The following EMCN variants were observed in gnomAD, a reference collection of about 807,000 sequenced individuals.
EMCN encodes MUC-14.
In EMCN, 37 loss-of-function variants were observed where a neutral mutation model predicts 38.4. The observed-to-expected ratio is 0.96, with a 90% CI of 0.74 to 1.27. EMCN has a LOEUF of 1.27. Among genes scored for constraint, EMCN ranks in the 50% most tolerant of loss-of-function variants. The pLI, the probability that EMCN is intolerant of heterozygous loss-of-function variation, is 0.00. For synonymous variants in EMCN, 95 were observed against 100.8 expected, an observed-to-expected ratio of 0.94 and a Z score of 0.35; for missense variants, 318 against 302.8, an observed-to-expected ratio of 1.05 and a Z score of -0.37.
At chr4:100,456,054 C>G (rs1435436068) in intron 4 of EMCN, among the ~76,000 whole-genome samples, 2 of 152,284 alleles carry the variant, frequency 1.3e-5, no homozygotes, top group Non-Finnish European at 2.9e-5. Context: ...TTTGGACTCT[C>G]AAGTGTTGGA....
intron 1 of EMCN, among the ~76,000 whole-genome samples, chr4:100,496,763 C>T (rs952558883): frequency 1.3e-5 from 2 of 152,074 alleles, no homozygotes; most frequent in South Asian, 2.1e-4. Context: ...AAAAACCAGA[C>T]GCAGATTAGA....
intron 3 of EMCN, among the ~76,000 whole-genome samples, chr4:100,473,377 T>TTTTG (rs1728543362): frequency 8.2e-6 from 1 of 122,476 alleles, no homozygotes; most frequent in African/African-American, 3.6e-5. Flanking sequence ...TTTTTTGTTT[T>TTTTG]TTTTTTTTGT....
intron 5 of EMCN, among the ~76,000 whole-genome samples, chr4:100,429,499 C>T (rs1283876018): frequency 6.6e-6 from 1 of 152,110 alleles, no homozygotes; most frequent in Non-Finnish European, 1.5e-5. Context: ...TTCCCGCTCT[C>T]ATCTGACCTT....
intron 5 of EMCN, chr4:100,446,223 C>T (rs1296763604): frequency 2.0e-6 from 2 of 984,904 alleles, no homozygotes; most frequent in Non-Finnish European, 2.4e-6. Context: ...TGCTGTTTTT[C>T]CTCTAGTGCC....
At chr4:100,467,629 C>G (rs1448742727) in intron 3 of EMCN, among the ~76,000 whole-genome samples, 1 of 147,108 alleles carries the variant, frequency 6.8e-6, no homozygotes, top group Non-Finnish European at 1.5e-5. Context: ...TTGCAGTGAG[C>G]CGGGATAGCG....
chr4:100,413,829 C>T (rs912525738), intron 10 of EMCN, among the ~76,000 whole-genome samples: 5 of 152,180 alleles, frequency 3.3e-5, no homozygotes, highest in African/African-American at 9.7e-5. Context: ...TAATATCTCC[C>T]TCTTAGACCT....
Position 100,417,156 on chromosome 4 carries a change from A to G in EMCN, c.665-15T>C. 6.2e-7 allele frequency: 1 copy of G among 1,613,570 alleles called. No homozygotes were observed. The highest frequency in any genetic ancestry group is 8.5e-7 in the Non-Finnish European group (1 of 1,179,622). On this transcript the variant is annotated splice_polypyrimidine_tract_variant and intron_variant, in intron 8 of 11. Transcript: ENST00000296420. ...TTCTGGTGTGCCTAGGAGAAGAGGG[A>G]GTTGTTATTAGAGTTGCAAAGAAGT... is the stretch of plus-strand genomic sequence containing the variant.
At chr4:100,473,387 T>G (rs1728547077) in intron 3 of EMCN, among the ~76,000 whole-genome samples, 1 of 125,822 alleles carries the variant, frequency 7.9e-6, no homozygotes, top group African/African-American at 3.2e-5. Flanking sequence ...TTTTTTTTTG[T>G]TTTTTTTTTT....
At chr4:100,475,005 T>C in intron 3 of EMCN, 33 bp downstream of exon 3, 1 of 1,208,834 alleles carries the variant, frequency 8.3e-7, no homozygotes, top group Non-Finnish European at 1.2e-6. Flanking sequence ...TTATATATTT[T>C]TTAAAATTGT....
Position 100,439,482 on chromosome 4 carries a change from AT to A in EMCN, c.415+8050del, listed in dbSNP as rs932044885. On this transcript the variant is annotated intron_variant, in intron 5 of 11. Transcript: ENST00000296420. ...ATCCTTTTAATTTCTGAGGTGTTTC[AT>A]TTTTTTCGCTTTAATTTATGATTTT... 3.5e-4 allele frequency among the ~76,000 whole-genome samples: 53 copies of A among 149,440 alleles called. 1 individual carries two copies. Among genetic ancestry groups the A allele is most frequent in the African/African-American group, 1.3e-3 (51 of 40,736 alleles).
At chr4:100,515,862 A>AC (rs3834225) in intron 1 of EMCN, among the ~76,000 whole-genome samples, 6 of 152,056 alleles carry the variant, frequency 3.9e-5, no homozygotes, top group African/African-American at 2.4e-5. Context: ...AAACAAACAA[A>AC]AAAACAGGCA....
At chr4:100,423,485 G>T in intron 5 of EMCN, 81 bp from the exon 6 acceptor site, 2 of 983,072 alleles carry the variant, frequency 2.0e-6, no homozygotes, top group Non-Finnish European at 1.6e-6. Context: ...CAAACAGTTT[G>T]CTTTTCTGAA....
chr4:100,517,218 G>A (rs1729781217), intron 1 of EMCN, among the ~76,000 whole-genome samples: 1 of 152,004 alleles, frequency 6.6e-6, no homozygotes, highest in African/African-American at 2.4e-5. Context: ...GAAGTCAATA[G>A]GTAGGATTTT....
chr4:100,489,824 G>A (rs1729031342), intron 1 of EMCN, among the ~76,000 whole-genome samples: 1 of 152,162 alleles, frequency 6.6e-6, no homozygotes, highest in African/African-American at 2.4e-5. Flanking sequence ...AAGGCCGACT[G>A]TGGGACTTGA....
intron 4 of EMCN, among the ~76,000 whole-genome samples, chr4:100,459,992 A>G (rs1728131350): frequency 6.6e-6 from 1 of 152,094 alleles, no homozygotes; most frequent in African/African-American, 2.4e-5. Context: ...ATTTTGGGGG[A>G]ATATCCATAC....
intron 5 of EMCN, among the ~76,000 whole-genome samples, chr4:100,443,463 T>C (rs1423761092): frequency 1.3e-5 from 2 of 152,226 alleles, no homozygotes; most frequent in African/African-American, 4.8e-5. Context: ...TGTAGGTGCC[T>C]CAGTGGCCTA....
intron 4 of EMCN, among the ~76,000 whole-genome samples, chr4:100,462,521 A>G (rs937456301): frequency 6.6e-6 from 1 of 152,194 alleles, no homozygotes; most frequent in African/African-American, 2.4e-5. Context: ...AGTGCAGGAT[A>G]CAAATTATTT....
Position 100,437,237 on chromosome 4 carries a change from T to A in EMCN, c.415+10296A>T, listed in dbSNP as rs574792958. On this transcript the variant is annotated intron_variant, in intron 5 of 11. Transcript: ENST00000296420. Reference sequence around the variant, plus strand: ...AATTTTCATGTCTTCTTTCACAAAATGTCTATTCAGGGTATTTTGCCCATT... The same window carrying A: ...AATTTTCATGTCTTCTTTCACAAAAAGTCTATTCAGGGTATTTTGCCCATT... Among the ~76,000 whole-genome samples, 251 of 152,320 alleles carry A rather than the reference T, an allele frequency of 1.6e-3. 1 individual carries two copies. The highest frequency in any genetic ancestry group is 5.8e-3 in the African/African-American group (243 of 41,578).
chr4:100,490,750 G>T (rs11097722), intron 1 of EMCN, among the ~76,000 whole-genome samples: 60,090 of 151,982 alleles, frequency 0.4, 12,536 homozygotes, highest in East Asian at 0.71. Flanking sequence ...AAGACGTTTC[G>T]TAGAATGTAT....
Sources: allele counts gnomAD v4.1 joint callset (sites outside exome capture counted in the v4.1 genomes callset), GRCh38; gene constraint gnomAD v4.1.1; transcripts MANE v1.5; gene names NCBI Gene and HGNC (gene_info 2026-07-23, HGNC 2026-07-21).